The following ZNF483 variants were observed in gnomAD, a reference collection of about 807,000 sequenced individuals.
The protein encoded by ZNF483 is zinc finger protein 483, also known as zinc finger protein HIT-10.
In ZNF483, 9 loss-of-function variants were observed where a neutral mutation model predicts 28.6. That is an observed-to-expected ratio of 0.32 (90% CI 0.19 to 0.55). ZNF483 has a LOEUF of 0.55. Among genes scored for constraint, ZNF483 ranks in the 20% least tolerant of loss-of-function variants. The pLI, the probability that ZNF483 is intolerant of heterozygous loss-of-function variation, is 0.93. For missense variants in ZNF483, 675 were observed against 871.7 expected, an observed-to-expected ratio of 0.77 and a Z score of 2.84; for synonymous variants, 322 against 306.2, an observed-to-expected ratio of 1.05 and a Z score of -0.54.
intron 5 of ZNF483, among the ~76,000 whole-genome samples, chr9:111,571,148 C>T (rs1335525587): frequency 6.7e-6 from 1 of 149,926 alleles, no homozygotes; most frequent in East Asian, 2.1e-4. Context: ...GTGCGTGGCT[C>T]ATGCCTATAA....
Position 111,546,506 on chromosome 9 carries a change from A to G in ZNF483, c.*3336A>G, listed in dbSNP as rs1827810701. On this transcript the variant is annotated 3_prime_UTR_variant, in exon 6 of 6. Coordinates refer to ENST00000309235, the MANE Select transcript of ZNF483 (RefSeq NM_133464.5). ...TAAACGTCTTTTGATTCATTATAGG[A>G]TTGCTTTTATGAAGAGCACTGTGAC... is the stretch of plus-strand genomic sequence containing the variant. Among the ~76,000 whole-genome samples the G allele has an allele frequency of 6.6e-6, 1 of 152,142 alleles. No homozygotes were observed. Among genetic ancestry groups the G allele is most frequent in the African/African-American group, 2.4e-5 (1 of 41,444 alleles).
chr9:111,527,849 T>G, intron 2 of ZNF483, 42 bp downstream of exon 2: 1 of 1,614,062 alleles, frequency 6.2e-7, no homozygotes, highest in Non-Finnish European at 8.5e-7. Context: ...AGACATTGCC[T>G]CAAAGTCCGA....
chr9:111,560,636 CAAAAAAAAA>C (rs1015199330), intron 5 of ZNF483, among the ~76,000 whole-genome samples: 4 of 26,296 alleles, frequency 1.5e-4, no homozygotes, highest in African/African-American at 5.1e-4. Context: ...GACACCATCT[CAAAAAAAAA>C]AAAAAAAAAA....
At chr9:111,527,925 G>A in intron 2 of ZNF483, 118 bp downstream of exon 2, 1 of 1,572,898 alleles carries the variant, frequency 6.4e-7, no homozygotes, top group Admixed American at 1.9e-5. Flanking sequence ...AGTTGGGACT[G>A]GGTTTGAATC....
intron 5 of ZNF483, among the ~76,000 whole-genome samples, chr9:111,572,548 C>CTGGAG (rs1462749717): frequency 1.3e-5 from 2 of 151,968 alleles, no homozygotes; most frequent in Non-Finnish European, 2.9e-5. Flanking sequence ...CGAGATCGTG[C>CTGGAG]CATTGCACTC....
chr9:111,558,079 G>A (rs543730344), downstream of ZNF483, among the ~76,000 whole-genome samples: 113 of 152,152 alleles, frequency 7.4e-4, no homozygotes, highest in African/African-American at 2.4e-3. Flanking sequence ...CCCGGGAGGC[G>A]GAGTTTGCAC....
chr9:111,539,488 G>A (rs923047373), intron 5 of ZNF483: 1 of 454,964 alleles, frequency 2.2e-6, no homozygotes, highest in African/African-American at 2.0e-5. Flanking sequence ...ATGAGGCTGG[G>A]TGTGGTGGCT....
intron 2 of ZNF483, among the ~76,000 whole-genome samples, chr9:111,530,407 AC>A (rs1387927988): frequency 6.6e-6 from 1 of 152,086 alleles, no homozygotes; most frequent in African/African-American, 2.4e-5. Context: ...GTAAAGTGTT[AC>A]GTGAGCCACT....
intron 5 of ZNF483, among the ~76,000 whole-genome samples, chr9:111,575,009 A>G (rs555994770): frequency 6.6e-6 from 1 of 152,342 alleles, no homozygotes; most frequent in South Asian, 2.1e-4. Flanking sequence ...CATTAGAAAC[A>G]GGCATTTTCG....
chr9:111,574,187 T>C (rs1213656150), intron 5 of ZNF483: 1 of 152,232 alleles, frequency 6.6e-6, no homozygotes, highest in Non-Finnish European at 1.5e-5. Flanking sequence ...CATCACTGTC[T>C]TTTTACAGTT....
chr9:111,571,741 C>T (rs771449501), intron 5 of ZNF483, among the ~76,000 whole-genome samples: 2 of 152,084 alleles, frequency 1.3e-5, no homozygotes, highest in Non-Finnish European at 2.9e-5. Context: ...CTGGGCCAAG[C>T]GATCCTCCTG....
At chr9:111,533,906 G>A (rs202033857) in intron 4 of ZNF483, 41 bp downstream of exon 4, 19 of 1,574,102 alleles carry the variant, frequency 1.2e-5, no homozygotes, top group Non-Finnish European at 1.5e-5. Flanking sequence ...TTTAACCTTG[G>A]GTCTCTTTTT....
chr9:111,541,608 A>G, intron 5 of ZNF483, 49 bp from the exon 6 acceptor site: 1 of 1,472,666 alleles, frequency 6.8e-7, no homozygotes, highest in Non-Finnish European at 9.1e-7. Flanking sequence ...AAAATACAAC[A>G]GCTTCCTTTC....
chr9:111,560,960 TATATATATATATATAGAG>T (rs1439713488), intron 5 of ZNF483, among the ~76,000 whole-genome samples: 4 of 44,190 alleles, frequency 9.1e-5, no homozygotes, highest in East Asian at 6.1e-4. Flanking sequence ...TATATATATA[TATATATATATATATAGAG>T]AGAGAGAGAG....
In ZNF483 at chr9:111,550,972, A is replaced by C. The variant is rs1383668072; in HGVS notation, c.*7802A>C. 1.3e-5 allele frequency among the ~76,000 whole-genome samples: 2 copies of C among 152,070 alleles called. No homozygotes were observed. Among genetic ancestry groups the C allele is most frequent in the Admixed American group, 6.6e-5 (1 of 15,254 alleles). On this transcript the variant is annotated 3_prime_UTR_variant, in exon 6 of 6. Coordinates refer to ENST00000309235, the MANE Select transcript of ZNF483 (RefSeq NM_133464.5). Reference sequence around the variant, plus strand: ...TTCCTGAAGCCTCTGATGATCTTTGACTATTTATATTTAAGAGCAGGGCTC... The same window carrying C: ...TTCCTGAAGCCTCTGATGATCTTTGCCTATTTATATTTAAGAGCAGGGCTC...
chr9:111,531,433 G>C (rs975038835), intron 3 of ZNF483, among the ~76,000 whole-genome samples: 1 of 152,004 alleles, frequency 6.6e-6, no homozygotes, highest in African/African-American at 2.4e-5. Flanking sequence ...CTGGAGTGCG[G>C]TGGCGGTATC....
At chr9:111,557,378 A>T (rs1285533476), downstream of ZNF483, among the ~76,000 whole-genome samples, 2 of 117,714 alleles carry the variant, frequency 1.7e-5, no homozygotes, top group Non-Finnish European at 3.6e-5. Flanking sequence ...CATCTCCAGT[A>T]AAAAAAAAAA....
In ZNF483 at chr9:111,553,139, CAT is replaced by C. The variant is rs1399278046; in HGVS notation, c.*9970_*9971del. ...CTCACTAAATGGTTGCTAAAAATTA[CAT>C]GTCTTAAATATTGTCTTAAGTATTA... On this transcript the variant is annotated 3_prime_UTR_variant, in exon 6 of 6. Coordinates refer to ENST00000309235, the MANE Select transcript of ZNF483 (RefSeq NM_133464.5). Among the ~76,000 whole-genome samples the C allele has an allele frequency of 1.2e-4, 19 of 152,304 alleles. No individual in the cohort carries two copies. The highest frequency in any genetic ancestry group is 2.6e-4 in the African/African-American group (11 of 41,564).
In ZNF483 at chr9:111,536,060, T is replaced by C. The variant is rs980471471; in HGVS notation, c.721+1707T>C. Among the ~76,000 whole-genome samples the C allele has an allele frequency of 1.5e-4, 23 of 151,330 alleles. 1 individual carries two copies. Among genetic ancestry groups the C allele is most frequent in the Admixed American group, 1.4e-3 (21 of 15,214 alleles). ...CGCGCCACCACGCCCAGCTAATTTTTTTTGTATTTTTATTAGTAGAGATGG... is the reference window on the plus strand; with the variant it reads ...CGCGCCACCACGCCCAGCTAATTTTCTTTGTATTTTTATTAGTAGAGATGG... On this transcript the variant is annotated intron_variant, in intron 5 of 5. Transcript: ENST00000309235.
Sources: allele counts gnomAD v4.1 joint callset (sites outside exome capture counted in the v4.1 genomes callset), GRCh38; gene constraint gnomAD v4.1.1; transcripts MANE v1.5; gene names NCBI Gene and HGNC (gene_info 2026-07-23, HGNC 2026-07-21).